Variants in CNOT10 observed in about 807,000 individuals in gnomAD.
CNOT10 encodes CCR4-NOT transcription complex subunit 10.
A neutral mutation model predicts 94.6 loss-of-function variants in CNOT10; 30 were observed. That is an observed-to-expected ratio of 0.32 (90% CI 0.24 to 0.43). The LOEUF (loss-of-function observed/expected upper bound fraction) is 0.43. Ranked by LOEUF, CNOT10 falls within the 20% of genes least tolerant of loss-of-function variation. The pLI is 1.00. For synonymous variants in CNOT10, 289 were observed against 301.6 expected (o/e 0.96, Z 0.43); for missense variants, 759 against 877.2 (o/e 0.87, Z 1.70).
At chr3:32,726,723 TAATAATAAC>T (rs1163339215) in intron 9 of CNOT10, among the ~76,000 whole-genome samples, 1 of 144,130 alleles carries the variant, frequency 6.9e-6, no homozygotes, top group Non-Finnish European at 1.5e-5. Context: ...ATAATAATAA[TAATAATAAC>T]CTATTTAATT....
In CNOT10 at chr3:32,720,879, T is replaced by TCCCTC. The variant is rs1316597152; in HGVS notation, c.862+649_862+650insCCTCC. Among the ~76,000 whole-genome samples the TCCCTC allele has an allele frequency of 8.3e-3, 1,070 of 128,316 alleles. 5 individuals are homozygous for TCCCTC. Among genetic ancestry groups the TCCCTC allele is most frequent in the East Asian group, 0.023 (88 of 3,846 alleles). 84.2% of individuals were successfully genotyped at this position (128,316 alleles called of 152,430 possible). ...TTCCTCCCTTCCCTCCTTCCTTCTT[T>TCCCTC]CTTTTCCTTCTTTTCCTTCCTTCCT... is the stretch of plus-strand genomic sequence containing the variant. On this transcript the variant is annotated intron_variant, in intron 8 of 18. Transcript: ENST00000328834.
In CNOT10 at chr3:32,757,817, T is replaced by C. The variant is rs536460183; in HGVS notation, c.1596-1641T>C. Among the ~76,000 whole-genome samples the C allele has an allele frequency of 2.6e-5, 4 of 152,336 alleles. No homozygotes were observed. The East Asian group carries it at 7.7e-4, about 29-fold the overall frequency. Reference sequence around the variant, plus strand: ...GCCAGCTGTTGAAGAGCCAGAAATATTGATAGTAGGCTTGCCAGGAAAATT... The same window carrying C: ...GCCAGCTGTTGAAGAGCCAGAAATACTGATAGTAGGCTTGCCAGGAAAATT... On this transcript the variant is annotated intron_variant, in intron 13 of 18. Transcript: ENST00000328834.
chr3:32,752,995 C>T (rs1488023947), intron 13 of CNOT10: 4 of 472,104 alleles, frequency 8.5e-6, no homozygotes, highest in East Asian at 1.1e-4. Flanking sequence ...GACCCCCAGG[C>T]GGCATTAGAG....
At chr3:32,741,015 T>A (rs1040558695) in intron 13 of CNOT10, among the ~76,000 whole-genome samples, 2 of 152,100 alleles carry the variant, frequency 1.3e-5, no homozygotes, top group African/African-American at 4.8e-5. Flanking sequence ...CCAGAACATT[T>A]TTATTACTAC....
At chr3:32,713,489 A>G (rs896425680) in intron 5 of CNOT10, 120 bp downstream of exon 5, 2 of 747,260 alleles carry the variant, frequency 2.7e-6, no homozygotes, top group African/African-American at 3.7e-5. Context: ...GTTATGAACT[A>G]TTAACAGCTT....
Position 32,757,241 on chromosome 3 carries a change from G to A in CNOT10, c.1596-2217G>A, listed in dbSNP as rs1395707365. Among the ~76,000 whole-genome samples the A allele has an allele frequency of 6.2e-5, 8 of 128,094 alleles. No individual in the cohort carries two copies. The East Asian group carries it at 7.1e-4, about 11-fold the overall frequency. 84.0% of individuals were successfully genotyped at this position (128,094 alleles called of 152,430 possible). Reference sequence around the variant, plus strand: ...GTTGCCCAGGCTGGAGCGCAATGGCGTGATCTCAGCTTACCGCAACCTCCA... The same window carrying A: ...GTTGCCCAGGCTGGAGCGCAATGGCATGATCTCAGCTTACCGCAACCTCCA... On this transcript the variant is annotated intron_variant, in intron 13 of 18. Transcript: ENST00000328834.
At chr3:32,753,645 A>G (rs1559511743) in intron 13 of CNOT10, 8 of 1,573,004 alleles carry the variant, frequency 5.1e-6, no homozygotes. Flanking sequence ...ATCCATCATC[A>G]TCTCCTTATA....
At chr3:32,754,894 T>C (rs1025514694) in intron 13 of CNOT10, among the ~76,000 whole-genome samples, 2 of 142,898 alleles carry the variant, frequency 1.4e-5, no homozygotes, top group African/African-American at 5.2e-5. Flanking sequence ...CCAAGGACCA[T>C]TACAAAAAAA....
At chr3:32,700,869 T>A (rs1010120114) in intron 1 of CNOT10, among the ~76,000 whole-genome samples, 3 of 152,174 alleles carry the variant, frequency 2.0e-5, no homozygotes, top group African/African-American at 7.2e-5. Context: ...GCATGGAGCT[T>A]TTGCTGGTGA....
At position 32,685,195 on chromosome 3, in the gene CNOT10, A is replaced by C; in HGVS notation, c.-266A>C. Reference sequence around the variant, plus strand: ...GCTGCCGCCCCCGGAAGTAGTGGGTACCGGGACGCCGTGAGGCGGAAGCTG... The same window carrying C: ...GCTGCCGCCCCCGGAAGTAGTGGGTCCCGGGACGCCGTGAGGCGGAAGCTG... On this transcript the variant is annotated 5_prime_UTR_variant, in exon 1 of 19. Coordinates refer to ENST00000328834, the MANE Select transcript of CNOT10 (RefSeq NM_015442.3). The C allele has an allele frequency of 1.4e-5, 5 of 366,202 alleles. No homozygotes were observed. Among genetic ancestry groups the C allele is most frequent in the East Asian group, 5.3e-5 (1 of 18,706 alleles). The allele number at this position is 366,202 out of a possible 1,614,324, so 22.7% of individuals were successfully genotyped here.
intron 1 of CNOT10, among the ~76,000 whole-genome samples, chr3:32,697,045 G>A (rs951640019): frequency 3.3e-5 from 5 of 151,760 alleles, no homozygotes; most frequent in Admixed American, 3.3e-4. Flanking sequence ...CTGCCTTCCG[G>A]GTTCCAGTGA....
At chr3:32,708,917 T>C (rs753572018) in intron 4 of CNOT10, 97 bp downstream of exon 4, 2 of 923,800 alleles carry the variant, frequency 2.2e-6, no homozygotes, top group Non-Finnish European at 3.2e-6. Context: ...GAGAAGTCCA[T>C]GCCAGTATTC....
intron 13 of CNOT10, among the ~76,000 whole-genome samples, chr3:32,741,644 C>T (rs1360451513): frequency 6.6e-6 from 1 of 151,916 alleles, no homozygotes; most frequent in Non-Finnish European, 1.5e-5. Flanking sequence ...TGGCGTGCAC[C>T]TGTAGTCCCA....
chr3:32,754,489 A>ATATATATATAT (rs1553637887), intron 13 of CNOT10, among the ~76,000 whole-genome samples: 4 of 70,220 alleles, frequency 5.7e-5, no homozygotes, highest in African/African-American at 1.5e-4. Context: ...AAAAAAAAAA[A>ATATATATATAT]ATACATATAT....
chr3:32,720,342 A>C (rs929662388), intron 8 of CNOT10, 111 bp downstream of exon 8: 4 of 492,872 alleles, frequency 8.1e-6, no homozygotes, highest in Non-Finnish European at 1.5e-5. Context: ...TAATTTTTTA[A>C]TGAAAATGTT....
chr3:32,720,048 A>G, intron 7 of CNOT10, 66 bp from the exon 8 acceptor site: 4 of 731,114 alleles, frequency 5.5e-6, no homozygotes, highest in Admixed American at 2.1e-5. Flanking sequence ...GTACAACAGT[A>G]TAATTAAGAT....
At chr3:32,700,740 T>A (rs1697303136) in intron 1 of CNOT10, among the ~76,000 whole-genome samples, 1 of 152,226 alleles carries the variant, frequency 6.6e-6, no homozygotes, top group Non-Finnish European at 1.5e-5. Context: ...ATTGTGAGAC[T>A]TTGAAATTCT....
At chr3:32,732,186 T>A (rs1698989747) in intron 10 of CNOT10, among the ~76,000 whole-genome samples, 1 of 150,894 alleles carries the variant, frequency 6.6e-6, no homozygotes. Context: ...AGGTCAGGAG[T>A]TTGAGACTAG....
intron 1 of CNOT10, 94 bp downstream of exon 1, chr3:32,685,576 C>A: frequency 7.2e-7 from 1 of 1,383,858 alleles, no homozygotes; most frequent in Non-Finnish European, 1.0e-6. Flanking sequence ...GGTGGGGACT[C>A]CAGGGCGACT....
Sources: gnomAD v4.1 joint callset for allele counts (sites outside exome capture counted in the v4.1 genomes callset) on GRCh38, gnomAD v4.1.1 for gene constraint, MANE v1.5 for transcripts, NCBI Gene and HGNC (gene_info 2026-07-23, HGNC 2026-07-21) for gene names.